Variants in EFR3B observed in about 807,000 individuals in gnomAD.
EFR3B encodes the protein protein EFR3 homolog B.
In EFR3B, 64 loss-of-function variants were observed where a neutral mutation model predicts 104.7. The ratio of observed to expected loss-of-function variants is 0.61; its 90% CI spans 0.50 to 0.75. The LOEUF (loss-of-function observed/expected upper bound fraction) is 0.75, where lower values mean the gene tolerates loss of function less well. Among genes scored for constraint, EFR3B ranks in the 30% least tolerant of loss-of-function variants. The pLI, the probability that EFR3B is intolerant of heterozygous loss-of-function variation, is 0.00. For missense variants in EFR3B, 750 were observed against 1,078.5 expected, an observed-to-expected ratio of 0.70 and a Z score of 4.27; for synonymous variants, 385 against 417.9, an observed-to-expected ratio of 0.92 and a Z score of 0.96.
At position 25,131,609 on chromosome 2, in the gene EFR3B, C is replaced by T. The variant is rs1670337442; in HGVS notation, c.985+106C>T. 5.3e-6 allele frequency: 8 copies of T among 1,503,244 alleles called. No homozygotes were observed. The highest frequency in any genetic ancestry group is 3.9e-5 in the South Asian group (3 of 77,168). The allele number at this position is 1,503,244 out of a possible 1,614,324, so 93.1% of individuals were successfully genotyped here. ...GGGAGGGGTCGGAGTCCGTTTTCCT[C>T]GGGAGAAGTCCGCCAGGAAGTTGGG... is the stretch of plus-strand genomic sequence containing the variant. On this transcript the variant is annotated intron_variant, in intron 9 of 22. Transcript: ENST00000403714. This position sits in a 1 kb window ranked among gnomAD's most constrained non-coding sequence, Gnocchi z 7.6.
chr2:25,075,905 G>A (rs964875796), intron 1 of EFR3B, among the ~76,000 whole-genome samples: 2 of 152,132 alleles, frequency 1.3e-5, no homozygotes, highest in African/African-American at 4.8e-5. Context: ...CTCGGGTAGG[G>A]TCTCACTCTG....
At position 25,092,856 on chromosome 2, in the gene EFR3B, C is replaced by G. The variant is rs961740771; in HGVS notation, c.85-147C>G. 4.0e-6 allele frequency: 4 copies of G among 995,618 alleles called. No individual in the cohort carries two copies. In the African/African-American group the frequency reaches 6.5e-5, roughly 16 times the overall value. 61.7% of individuals were successfully genotyped at this position (995,618 alleles called of 1,614,324 possible). A position where few individuals can be genotyped will look rare whatever the true frequency, so the allele number is the denominator to read the frequency against. On this transcript the variant is annotated intron_variant, in intron 2 of 22. Transcript: ENST00000403714. ...ACTAAAACTATGTTTTAATCATCTG[C>G]CTGTCTCTGAAACCCACATGTGCTC...
chr2:25,087,722 A>G (rs894550047), intron 1 of EFR3B, among the ~76,000 whole-genome samples: 1 of 152,236 alleles, frequency 6.6e-6, no homozygotes, highest in Admixed American at 6.5e-5. Context: ...ATCCACCTAC[A>G]TCAGCCTCCC....
chr2:25,096,037 A>G (rs1271956177), intron 3 of EFR3B, among the ~76,000 whole-genome samples: 1 of 150,748 alleles, frequency 6.6e-6, no homozygotes, highest in Non-Finnish European at 1.5e-5. Context: ...TTTTTTTGAG[A>G]TGGAGTCTCA....
intron 1 of EFR3B, among the ~76,000 whole-genome samples, chr2:25,046,506 C>CTT (rs531667109): frequency 0.22 from 26,512 of 118,846 alleles, 3,939 homozygotes; most frequent in East Asian, 0.3. Context: ...AGTACAAAGT[C>CTT]TTTTTTTTTT....
At chr2:25,101,354 G>A (rs1669426414) in intron 3 of EFR3B, among the ~76,000 whole-genome samples, 1 of 152,224 alleles carries the variant, frequency 6.6e-6, no homozygotes, top group African/African-American at 2.4e-5. Context: ...TAATTTATAT[G>A]TTTGTTTATT....
chr2:25,090,949 T>C (rs1357053370), intron 1 of EFR3B, among the ~76,000 whole-genome samples: 41 of 152,184 alleles, frequency 2.7e-4, no homozygotes, highest in Non-Finnish European at 2.2e-4. Flanking sequence ...TGAGTGTGTG[T>C]CTGTGTGTGA....
In EFR3B at chr2:25,143,430, G is replaced by A. The variant is rs539937610; in HGVS notation, c.1923-305G>A. On this transcript the variant is annotated intron_variant, in intron 17 of 22. Coordinates refer to ENST00000403714, the MANE Select transcript of EFR3B (RefSeq NM_014971.2). ...TCCCAGCATTTTGGGAGGCTGAGGCGGGTGGATCACCCGAGGTCAGGAGTT... is the reference window on the plus strand; with the variant it reads ...TCCCAGCATTTTGGGAGGCTGAGGCAGGTGGATCACCCGAGGTCAGGAGTT... Among the ~76,000 whole-genome samples, 11 of 152,048 alleles carry A rather than the reference G, an allele frequency of 7.2e-5. No homozygotes were observed. In the East Asian group the frequency reaches 7.7e-4, roughly 11 times the overall value.
chr2:25,129,837 C>T (rs192754174), intron 6 of EFR3B, 138 bp from the exon 7 acceptor site: 23 of 1,130,572 alleles, frequency 2.0e-5, no homozygotes, highest in South Asian at 9.1e-5. Context: ...ACAGCTGTGA[C>T]GCCTCCCCTA....
intron 5 of EFR3B, among the ~76,000 whole-genome samples, chr2:25,122,383 C>A (rs1257808174): frequency 1.3e-5 from 2 of 152,164 alleles, no homozygotes; most frequent in Admixed American, 1.3e-4. Context: ...TGTGTACACA[C>A]ACACAGCCCT....
Position 25,131,265 on chromosome 2 carries a change from C to G in EFR3B, c.850-103C>G. 6.9e-7 allele frequency: 1 copy of G among 1,447,256 alleles called. No homozygotes were observed. The highest frequency in any genetic ancestry group is 1.3e-5 in the South Asian group (1 of 74,124). The allele number at this position is 1,447,256 out of a possible 1,614,324, so 89.7% of individuals were successfully genotyped here. ...AACTGCAGTGCCCGGGGCCTTGGAA[C>G]GTCCCTTTAGTTTACCCCCGCCTTT... On this transcript the variant is annotated intron_variant, in intron 8 of 22. Transcript: ENST00000403714. The surrounding 1 kb of genome is among the most constrained non-coding windows in gnomAD (Gnocchi z 7.6).
chr2:25,141,628 C>T (rs1283860401), intron 17 of EFR3B, among the ~76,000 whole-genome samples, 195 bp downstream of exon 17: 2 of 152,226 alleles, frequency 1.3e-5, no homozygotes, highest in East Asian at 1.9e-4. Flanking sequence ...GTCCATGCCT[C>T]GAGCATGCAA....
chr2:25,102,625 C>CA (rs1044322858), intron 3 of EFR3B, among the ~76,000 whole-genome samples: 1 of 152,060 alleles, frequency 6.6e-6, no homozygotes, highest in African/African-American at 2.4e-5. Flanking sequence ...CCTGGTGCCC[C>CA]CCTTGACACG....
intron 2 of EFR3B, among the ~76,000 whole-genome samples, chr2:25,092,174 T>C (rs886419551): frequency 1.3e-5 from 2 of 151,420 alleles, no homozygotes; most frequent in African/African-American, 4.9e-5. Flanking sequence ...GTTTAAGCAA[T>C]TCTTCTGCCT....
chr2:25,133,600 C>T (rs577094490), intron 12 of EFR3B, among the ~76,000 whole-genome samples, 166 bp downstream of exon 12: 17 of 152,338 alleles, frequency 1.1e-4, no homozygotes, highest in African/African-American at 4.1e-4. Flanking sequence ...ACTCACTAGC[C>T]AGGCTGGGCA....
Position 25,131,910 on chromosome 2 carries a change from G to A in EFR3B, c.1146G>A (p.Val382=). The change falls in exon 10 of 23, where the codon GTG becomes GTA. Residue 382 remains valine (V), a splice_region_variant and synonymous_variant. Coordinates refer to ENST00000403714, the MANE Select transcript of EFR3B (RefSeq NM_014971.2). The surrounding 1 kb of genome is among the most constrained non-coding windows in gnomAD (Gnocchi z 7.6). The part of the protein sequence containing the change: ...RMFQEAVIKT[V]GSFASTLPTY... ...TCCAGGAGGCCGTCATCAAGACCGT[G>A]GGTGCGGCGCGGGGCCGGGCCGGGG... 6.6e-7 allele frequency: 1 copy of A among 1,516,488 alleles called. No individual in the cohort carries two copies. Among genetic ancestry groups the A allele is most frequent in the Non-Finnish European group, 8.8e-7 (1 of 1,131,396 alleles). The allele number at this position is 1,516,488 out of a possible 1,614,324, so 93.9% of individuals were successfully genotyped here.
At chr2:25,119,463 G>C (rs1023599879) in intron 4 of EFR3B, among the ~76,000 whole-genome samples, 2 of 152,240 alleles carry the variant, frequency 1.3e-5, no homozygotes, top group Non-Finnish European at 2.9e-5. Flanking sequence ...CCTCAAGTCT[G>C]TTCCAGCCTT....
At chr2:25,141,512 G>A (rs1670665444) in intron 17 of EFR3B, 79 bp downstream of exon 17, 2 of 1,457,208 alleles carry the variant, frequency 1.4e-6, no homozygotes, top group East Asian at 2.5e-5. Context: ...GGTCAGGAGG[G>A]GTCAATGCCA....
chr2:25,053,474 C>T (rs1667936784), intron 1 of EFR3B, among the ~76,000 whole-genome samples: 1 of 152,146 alleles, frequency 6.6e-6, no homozygotes, highest in Non-Finnish European at 1.5e-5. Context: ...GGCTGGGCCA[C>T]ACACACACCT....
Sources: gnomAD v4.1 joint callset for allele counts (sites outside exome capture counted in the v4.1 genomes callset) on GRCh38, gnomAD v4.1.1 for gene constraint, Gnocchi (gnomAD v3.1) non-coding constraint, MANE v1.5 for transcripts, NCBI Gene and HGNC (gene_info 2026-07-23, HGNC 2026-07-21) for gene names.